The following SCAPER variants were observed in gnomAD, a reference collection of about 807,000 sequenced individuals.
SCAPER encodes the protein S-phase cyclin A associated protein in the ER, also known as S phase cyclin A-associated protein in the endoplasmic reticulum.
Under a neutral mutation model 182.2 loss-of-function variants are expected in SCAPER, and 98 were observed. The observed-to-expected ratio is 0.54, with a 90% CI of 0.46 to 0.64. SCAPER has a LOEUF of 0.64. Among genes scored for constraint, SCAPER ranks in the 30% least tolerant of loss-of-function variants. SCAPER has a pLI of 0.00. For synonymous variants in SCAPER, 605 were observed against 564.6 expected, an observed-to-expected ratio of 1.07 and a Z score of -1.01; for missense variants, 1,432 against 1,690.0, an observed-to-expected ratio of 0.85 and a Z score of 2.68.
intron 20 of SCAPER, among the ~76,000 whole-genome samples, chr15:76,671,768 TAA>T (rs879625839): frequency 1.4e-5 from 2 of 142,564 alleles, no homozygotes; most frequent in Admixed American, 7.0e-5. Flanking sequence ...AGACTCCGTT[TAA>T]AAAAAAAAAA....
intron 21 of SCAPER, among the ~76,000 whole-genome samples, chr15:76,639,049 C>G (rs1033317020): frequency 6.6e-6 from 1 of 152,026 alleles, no homozygotes; most frequent in Non-Finnish European, 1.5e-5. Flanking sequence ...TTTTTAAAAA[C>G]AGAAAGGAAG....
chr15:76,799,080 G>A (rs560205839), intron 7 of SCAPER, among the ~76,000 whole-genome samples: 1 of 152,230 alleles, frequency 6.6e-6, no homozygotes, highest in African/African-American at 2.4e-5. Flanking sequence ...TTTTAAAACT[G>A]TGTTGAGCTT....
chr15:76,601,609 C>T (rs2049936923), intron 22 of SCAPER, among the ~76,000 whole-genome samples: 1 of 121,350 alleles, frequency 8.2e-6, no homozygotes, highest in African/African-American at 2.5e-5. Flanking sequence ...CCTAAGGACA[C>T]ATCTCTCAGA....
At chr15:76,414,610 A>G (rs2045530282) in intron 26 of SCAPER, among the ~76,000 whole-genome samples, 1 of 152,172 alleles carries the variant, frequency 6.6e-6, no homozygotes. Context: ...GGAAAAGACC[A>G]AACAGTTATG....
chr15:76,706,724 A>G (rs1337875229), intron 17 of SCAPER, among the ~76,000 whole-genome samples: 1 of 152,180 alleles, frequency 6.6e-6, no homozygotes. Context: ...AAATGGTGAG[A>G]CAAGTAGCAT....
At chr15:76,450,003 G>T (rs1409636988) in intron 25 of SCAPER, among the ~76,000 whole-genome samples, 1 of 152,186 alleles carries the variant, frequency 6.6e-6, no homozygotes, top group Non-Finnish European at 1.5e-5. Context: ...CAACTACTCA[G>T]TTCTACTGTT....
chr15:76,590,607 A>G (rs750014501), intron 22 of SCAPER, among the ~76,000 whole-genome samples: 1 of 152,206 alleles, frequency 6.6e-6, no homozygotes. Context: ...AATTAGCACA[A>G]CCTCTATGGA....
At chr15:76,464,751 T>C (rs2049464425) in intron 25 of SCAPER, among the ~76,000 whole-genome samples, 1 of 152,178 alleles carries the variant, frequency 6.6e-6, no homozygotes, top group Non-Finnish European at 1.5e-5. Context: ...TTTAATTATT[T>C]TGAATACGTA....
At chr15:76,706,261 T>C (rs1457159411) in intron 17 of SCAPER, among the ~76,000 whole-genome samples, 1 of 152,170 alleles carries the variant, frequency 6.6e-6, no homozygotes, top group East Asian at 1.9e-4. Context: ...TTGAAAACTA[T>C]ATTTATCTCT....
chr15:76,787,820 T>G (rs1267042602), intron 8 of SCAPER, among the ~76,000 whole-genome samples: 3 of 152,160 alleles, frequency 2.0e-5, no homozygotes, highest in African/African-American at 7.2e-5. Context: ...ATTCTTAGAC[T>G]TGATGACAAA....
At chr15:76,809,278 A>G (rs1453044123) in intron 5 of SCAPER, among the ~76,000 whole-genome samples, 1 of 152,246 alleles carries the variant, frequency 6.6e-6, no homozygotes, top group Non-Finnish European at 1.5e-5. Flanking sequence ...ATAAACCTCC[A>G]GAAACTGATC....
intron 11 of SCAPER, among the ~76,000 whole-genome samples, chr15:76,766,081 A>ATTTC (rs1488523177): frequency 1.1e-4 from 2 of 17,404 alleles, no homozygotes; most frequent in Non-Finnish European, 3.4e-4. Flanking sequence ...TCATTTGCTC[A>ATTTC]TTTATTTATT....
intron 23 of SCAPER, among the ~76,000 whole-genome samples, chr15:76,544,182 G>T (rs558543630): frequency 6.6e-6 from 1 of 152,238 alleles, no homozygotes; most frequent in South Asian, 2.1e-4. Flanking sequence ...TAACAAGGAC[G>T]TAGAAAAATG....
rs572259481 is a variant in SCAPER, at chr15:76,684,530, T to TA, written c.2508+17227dup. Reference sequence around the variant, plus strand: ...TAAATAAATTTTAAGATATTAAAAATAAAAAAAACCTTAGGGAAGACTAAA... The same window carrying TA: ...TAAATAAATTTTAAGATATTAAAAATAAAAAAAAACCTTAGGGAAGACTAAA... On this transcript the variant is annotated intron_variant, in intron 20 of 31. Transcript: ENST00000563290. Among the ~76,000 whole-genome samples, 56 of 150,932 alleles carry TA rather than the reference T, an allele frequency of 3.7e-4. 1 individual carries two copies. The South Asian group carries it at 8.8e-3, about 24-fold the overall frequency.
At position 76,348,756 on chromosome 15, in the gene SCAPER, G is replaced by A; in HGVS notation, c.4100-20C>T. The A allele has an allele frequency of 7.1e-7, 1 of 1,406,606 alleles. No homozygotes were observed. The highest frequency in any genetic ancestry group is 9.6e-7 in the Non-Finnish European group (1 of 1,047,118). The allele number at this position is 1,406,606 out of a possible 1,614,324, so 87.1% of individuals were successfully genotyped here. A position where few individuals can be genotyped will look rare whatever the true frequency, so the allele number is the denominator to read the frequency against. On this transcript the variant is annotated intron_variant, in intron 31 of 31. Coordinates refer to ENST00000563290, the MANE Select transcript of SCAPER (RefSeq NM_020843.4). ...ATTTCCCTGAGAGGGGGATAAAAGAGAAAAAAGTTAAATAAAAGAGGGTTA... is the reference window on the plus strand; with the variant it reads ...ATTTCCCTGAGAGGGGGATAAAAGAAAAAAAAGTTAAATAAAAGAGGGTTA...
intron 26 of SCAPER, among the ~76,000 whole-genome samples, chr15:76,431,509 C>T (rs1028470547): frequency 1.3e-5 from 2 of 151,780 alleles, no homozygotes; most frequent in East Asian, 3.9e-4. Context: ...TCTGCTCCTG[C>T]TCTACTTCAG....
At chr15:76,709,978 C>T (rs1034286887) in intron 17 of SCAPER, among the ~76,000 whole-genome samples, 1 of 152,110 alleles carries the variant, frequency 6.6e-6, no homozygotes, top group African/African-American at 2.4e-5. Context: ...ATGTTAAAGG[C>T]TCTCAACAAA....
Position 76,511,841 on chromosome 15 carries a change from A to ATG in SCAPER, c.2839-6868_2839-6867insCA, listed in dbSNP as rs755966745. ...AAAGATACACTTATTATATATATAT[A>ATG]TATGTGTGTGTGTGTGTGTGTGTGT... On this transcript the variant is annotated intron_variant, in intron 23 of 31. Coordinates refer to ENST00000563290, the MANE Select transcript of SCAPER (RefSeq NM_020843.4). 5.5e-3 allele frequency among the ~76,000 whole-genome samples: 576 copies of ATG among 104,752 alleles called. 1 individual carries two copies. Among genetic ancestry groups the ATG allele is most frequent in the Non-Finnish European group, 6.8e-3 (369 of 54,214 alleles). 68.7% of individuals were successfully genotyped at this position (104,752 alleles called of 152,430 possible).
chr15:76,774,187 A>T (rs891433761), intron 9 of SCAPER, among the ~76,000 whole-genome samples: 3 of 151,932 alleles, frequency 2.0e-5, no homozygotes, highest in Non-Finnish European at 2.9e-5. Flanking sequence ...ATGCCTCTAG[A>T]TGTGACACTA....
Sources: allele counts gnomAD v4.1 joint callset (sites outside exome capture counted in the v4.1 genomes callset), GRCh38; gene constraint gnomAD v4.1.1; transcripts MANE v1.5; gene names NCBI Gene and HGNC (gene_info 2026-07-23, HGNC 2026-07-21).